Variants in NCAM2 observed in about 807,000 individuals in gnomAD.
NCAM2 encodes the protein neural cell adhesion molecule 2, also known as N-CAM-2.
Under a neutral mutation model 98.1 loss-of-function variants are expected in NCAM2, and 30 were observed. The observed-to-expected ratio is 0.31, with a 90% confidence interval of 0.23 to 0.41. NCAM2 has a LOEUF of 0.41. NCAM2 is among the 10% of genes least tolerant of loss of function. The pLI is 1.00. For synonymous variants in NCAM2, 368 were observed against 342.4 expected (o/e 1.07, Z -0.83); for missense variants, 867 against 1,005.8 (o/e 0.86, Z 1.87).
At chr21:21,281,038 G>A (rs921623841) in intron 2 of NCAM2, among the ~76,000 whole-genome samples, 8 of 151,974 alleles carry the variant, frequency 5.3e-5, no homozygotes, top group East Asian at 1.9e-4. Context: ...TGATCCGCCC[G>A]CCTTGGCCTC....
At chr21:21,083,153 G>A (rs2065843014) in intron 1 of NCAM2, among the ~76,000 whole-genome samples, 2 of 152,174 alleles carry the variant, frequency 1.3e-5, no homozygotes, top group African/African-American at 2.4e-5. Context: ...TGGCAGTACA[G>A]TAGTAGTAAC....
chr21:21,173,158 G>A (rs1324342866), intron 1 of NCAM2, among the ~76,000 whole-genome samples: 1 of 151,934 alleles, frequency 6.6e-6, no homozygotes, highest in Non-Finnish European at 1.5e-5. Context: ...TCCTTTTTTT[G>A]TGTATTTAGT....
At chr21:21,433,038 G>A (rs932366608) in intron 12 of NCAM2, among the ~76,000 whole-genome samples, 1 of 152,144 alleles carries the variant, frequency 6.6e-6, no homozygotes, top group African/African-American at 2.4e-5. Flanking sequence ...TCAGTAAAAA[G>A]CAAGAGCCTT....
At chr21:21,448,306 C>A (rs1012419748) in intron 12 of NCAM2, among the ~76,000 whole-genome samples, 2 of 151,898 alleles carry the variant, frequency 1.3e-5, no homozygotes, top group Non-Finnish European at 2.9e-5. Context: ...GAAAACCAAA[C>A]ACCTCATTTC....
At chr21:21,262,183 A>G (rs867404327) in intron 1 of NCAM2, among the ~76,000 whole-genome samples, 1 of 152,152 alleles carries the variant, frequency 6.6e-6, no homozygotes, top group Non-Finnish European at 1.5e-5. Flanking sequence ...TGAACAGAAC[A>G]ATAACAAGTT....
intron 1 of NCAM2, among the ~76,000 whole-genome samples, chr21:21,052,356 G>T (rs1344088813): frequency 6.6e-6 from 1 of 151,698 alleles, no homozygotes; most frequent in Non-Finnish European, 1.5e-5. Context: ...ATAGAGATGG[G>T]GTTTCACCAT....
intron 8 of NCAM2, among the ~76,000 whole-genome samples, chr21:21,353,154 A>G (rs2075387367): frequency 6.6e-6 from 1 of 152,144 alleles, no homozygotes; most frequent in African/African-American, 2.4e-5. Context: ...TTGCAATTAC[A>G]TTTTTCATAA....
rs1417236765 is a variant in NCAM2 at position 21,527,598 on chromosome 21, G to A, written c.2283-6939G>A. Among the ~76,000 whole-genome samples, 5 of 152,166 alleles carry A rather than the reference G, an allele frequency of 3.3e-5. No individual in the cohort carries two copies. The East Asian group carries it at 7.7e-4, about 24-fold the overall frequency. ...ATATACAAATAGTAAATAAGCTTAT[G>A]AAAAGACATTTCAAATCCTATGAAT... On this transcript the variant is annotated intron_variant, in intron 16 of 17. Transcript: ENST00000400546.
intron 1 of NCAM2, among the ~76,000 whole-genome samples, chr21:21,116,199 TGAC>T (rs2066556409): frequency 6.6e-6 from 1 of 152,126 alleles, no homozygotes; most frequent in African/African-American, 2.4e-5. Flanking sequence ...GACATGTGCT[TGAC>T]GAGAAGTGAA....
At chr21:21,335,853 A>T (rs531726915) in intron 7 of NCAM2, among the ~76,000 whole-genome samples, 188 bp downstream of exon 7, 1 of 152,164 alleles carries the variant, frequency 6.6e-6, no homozygotes, top group Non-Finnish European at 1.5e-5. Flanking sequence ...TACATATGCA[A>T]ATTTTTGTAA....
chr21:21,326,469 ATTAC>A (rs1024560775), intron 6 of NCAM2, among the ~76,000 whole-genome samples: 9 of 152,146 alleles, frequency 5.9e-5, no homozygotes, highest in Non-Finnish European at 4.4e-5. Context: ...CAGCTTACCA[ATTAC>A]TTCTCACCAG....
chr21:21,395,988 C>T lies in NCAM2; in HGVS notation c.1196-14286C>T, dbSNP rs966142701. Among the ~76,000 whole-genome samples, 3 of 151,912 alleles carry T rather than the reference C, an allele frequency of 2.0e-5. No homozygotes were observed. The East Asian group carries it at 5.8e-4, about 29-fold the overall frequency. ...ATGACCAAGAACCTAAAAGCAAATG[C>T]AACAAAAACAAAGATAAATAGATGG... On this transcript the variant is annotated intron_variant, in intron 9 of 17. Coordinates refer to ENST00000400546, the MANE Select transcript of NCAM2 (RefSeq NM_004540.5).
chr21:21,334,009 T>G (rs889989998), intron 6 of NCAM2, among the ~76,000 whole-genome samples: 1 of 151,786 alleles, frequency 6.6e-6, no homozygotes, highest in Admixed American at 6.6e-5. Context: ...GAGGCTGGAG[T>G]GTAGTGGTGT....
At chr21:21,045,957 T>C (rs1451388251) in intron 1 of NCAM2, among the ~76,000 whole-genome samples, 1 of 152,198 alleles carries the variant, frequency 6.6e-6, no homozygotes, top group African/African-American at 2.4e-5. Flanking sequence ...CCACACTGCC[T>C]GGATTCAAAT....
Position 21,539,082 on chromosome 21 carries a change from T to C in NCAM2, c.*1125T>C, listed in dbSNP as rs1299073950. ...CCACTATGTGTTCTATTCCGGATGT[T>C]CTAGCTAGAAGTCATTTTAAGATTT... On this transcript the variant is annotated 3_prime_UTR_variant, in exon 18 of 18. Transcript: ENST00000400546. 1 of 152,176 alleles carries C rather than the reference T, an allele frequency of 6.6e-6. No individual in the cohort carries two copies. The highest frequency in any genetic ancestry group is 2.4e-5 in the African/African-American group (1 of 41,458). 9.4% of individuals were successfully genotyped at this position (152,176 alleles called of 1,614,324 possible).
intron 1 of NCAM2, among the ~76,000 whole-genome samples, chr21:21,117,369 T>C (rs191122453): frequency 1.1e-4 from 16 of 152,302 alleles, no homozygotes; most frequent in South Asian, 1.0e-3. Context: ...AATAAAACTA[T>C]CATACAATCC....
chr21:21,251,591 T>G (rs2071473060), intron 1 of NCAM2, among the ~76,000 whole-genome samples: 1 of 152,164 alleles, frequency 6.6e-6, no homozygotes, highest in African/African-American at 2.4e-5. Flanking sequence ...GACTCTGTTA[T>G]TGTGAATAGT....
At chr21:21,517,223 A>C (rs1342688411) in intron 16 of NCAM2, among the ~76,000 whole-genome samples, 1 of 152,164 alleles carries the variant, frequency 6.6e-6, no homozygotes, top group African/African-American at 2.4e-5. Context: ...ACTTGGCTAA[A>C]ATCCTGTTTT....
chr21:21,189,544 A>G (rs1412061337), intron 1 of NCAM2, among the ~76,000 whole-genome samples: 1 of 152,228 alleles, frequency 6.6e-6, no homozygotes, highest in Non-Finnish European at 1.5e-5. Flanking sequence ...AGGGTAACAC[A>G]GCAAGACCTC....
Sources: gnomAD v4.1 joint callset for allele counts (sites outside exome capture counted in the v4.1 genomes callset) on GRCh38, gnomAD v4.1.1 for gene constraint, MANE v1.5 for transcripts, NCBI Gene and HGNC (gene_info 2026-07-23, HGNC 2026-07-21) for gene names.